The following KCNH7 variants were observed in gnomAD, a reference collection of about 807,000 sequenced individuals.
KCNH7 encodes the protein potassium voltage-gated channel subfamily H member 7.
In KCNH7, 49 loss-of-function variants were observed where a neutral mutation model predicts 120.8. The observed-to-expected ratio is 0.41, with a 90% confidence interval of 0.32 to 0.51. KCNH7 has a LOEUF of 0.51. KCNH7 is among the 20% of genes least tolerant of loss of function. The pLI, the probability that KCNH7 is intolerant of heterozygous loss-of-function variation, is 0.38. For missense variants in KCNH7, 1,097 were observed against 1,446.6 expected (o/e 0.76, Z 3.92); for synonymous variants, 547 against 516.1 (o/e 1.06, Z -0.81).
At chr2:162,707,801 G>C (rs1206819284) in intron 2 of KCNH7, among the ~76,000 whole-genome samples, 1 of 152,102 alleles carries the variant, frequency 6.6e-6, no homozygotes, top group African/African-American at 2.4e-5. Context: ...CATTTGATCA[G>C]TTCTGGCCAG....
chr2:162,500,341 CAT>C (rs1224213870), intron 6 of KCNH7, among the ~76,000 whole-genome samples: 1 of 119,368 alleles, frequency 8.4e-6, no homozygotes, highest in Admixed American at 1.0e-4. Flanking sequence ...ATACACATAA[CAT>C]GTAATATATA....
chr2:162,769,511 C>A (rs749344385), intron 2 of KCNH7, among the ~76,000 whole-genome samples: 8 of 152,004 alleles, frequency 5.3e-5, no homozygotes, highest in East Asian at 1.9e-4. Context: ...CTATTGCAAC[C>A]GGCTTATAAC....
chr2:162,805,055 C>G (rs539369704), intron 2 of KCNH7, among the ~76,000 whole-genome samples: 12 of 151,808 alleles, frequency 7.9e-5, no homozygotes, highest in African/African-American at 2.2e-4. Flanking sequence ...AAACTGGATC[C>G]CTATCTCTCA....
chr2:162,484,959 A>G (rs1375017788), intron 6 of KCNH7, among the ~76,000 whole-genome samples: 1 of 152,098 alleles, frequency 6.6e-6, no homozygotes, highest in African/African-American at 2.4e-5. Flanking sequence ...GAGCGAATAA[A>G]TTTTTTTAAA....
At position 162,384,850 on chromosome 2, in the gene KCNH7, A is replaced by T. The variant is rs749520046; in HGVS notation, c.2800T>A (p.Ser934Thr). ...KRHFEEKKSR[S>T]SSFISSIDDE... ...TCAATGGAGGAGATGAAAGATGAGG[A>T]TCTGCTTTTTTTCTCTTCAAAGTGT... is the stretch of plus-strand genomic sequence containing the variant. Residue 934 changes from serine (S) to threonine (T), a missense_variant, in exon 13 of 16, where the codon TCC (serine) becomes ACC (threonine). By Grantham distance (58) the Ser-to-Thr change is moderately conservative. Around this residue, in one of 8 missense-constraint regions of KCNH7, gnomAD observed 406 missense variants for 410.5 expected, o/e 0.99. Coordinates refer to ENST00000332142, the MANE Select transcript of KCNH7 (RefSeq NM_033272.4). 6.2e-7 allele frequency: 1 copy of T among 1,612,730 alleles called. No individual in the cohort carries two copies. Among genetic ancestry groups the T allele is most frequent in the South Asian group, 1.1e-5 (1 of 91,058 alleles).
intron 2 of KCNH7, among the ~76,000 whole-genome samples, chr2:162,745,416 G>A (rs1352163186): frequency 6.6e-6 from 1 of 151,892 alleles, no homozygotes; most frequent in African/African-American, 2.4e-5. Flanking sequence ...GTTATTTAGA[G>A]CAAATAAATG....
chr2:162,601,984 C>T (rs1220047195), intron 2 of KCNH7, among the ~76,000 whole-genome samples: 1 of 152,068 alleles, frequency 6.6e-6, no homozygotes, highest in Non-Finnish European at 1.5e-5. Flanking sequence ...CTATAAGTCT[C>T]ACTGGGAGAG....
intron 2 of KCNH7, among the ~76,000 whole-genome samples, chr2:162,628,602 T>C (rs898002898): frequency 6.6e-6 from 1 of 152,070 alleles, no homozygotes; most frequent in African/African-American, 2.4e-5. Flanking sequence ...CCATTTTCTG[T>C]CCTTCAATAG....
At position 162,482,122 on chromosome 2, in the gene KCNH7, G is replaced by A. The variant is rs539152998; in HGVS notation, c.1128+22321C>T. On this transcript the variant is annotated intron_variant, in intron 6 of 15. Coordinates refer to ENST00000332142, the MANE Select transcript of KCNH7 (RefSeq NM_033272.4). ...TTAGTTGTGTAAAAATAGACTAAGTGCTCTTTGAGTTTAAGGATGGGATAG... is the reference window on the plus strand; with the variant it reads ...TTAGTTGTGTAAAAATAGACTAAGTACTCTTTGAGTTTAAGGATGGGATAG... 2.0e-4 allele frequency among the ~76,000 whole-genome samples: 31 copies of A among 152,260 alleles called. 1 individual carries two copies. The South Asian group carries it at 6.2e-3, about 31-fold the overall frequency.
At chr2:162,673,901 C>T (rs891000145) in intron 2 of KCNH7, among the ~76,000 whole-genome samples, 1 of 151,908 alleles carries the variant, frequency 6.6e-6, no homozygotes, top group Non-Finnish European at 1.5e-5. Context: ...TTCCTTAATG[C>T]TATCTGCCAA....
intron 2 of KCNH7, among the ~76,000 whole-genome samples, chr2:162,683,029 G>A (rs1685767801): frequency 1.3e-5 from 2 of 151,958 alleles, no homozygotes; most frequent in Non-Finnish European, 2.9e-5. Flanking sequence ...AATAGGTAGA[G>A]AAGATGATAT....
At chr2:162,651,392 G>A (rs1369483204) in intron 2 of KCNH7, among the ~76,000 whole-genome samples, 1 of 151,870 alleles carries the variant, frequency 6.6e-6, no homozygotes, top group Non-Finnish European at 1.5e-5. Context: ...AGGCCTCAGT[G>A]TCTGTTGTTC....
In KCNH7 at chr2:162,502,320, G is replaced by A. The variant is rs995583354; in HGVS notation, c.1128+2123C>T. On this transcript the variant is annotated intron_variant, in intron 6 of 15. Coordinates refer to ENST00000332142, the MANE Select transcript of KCNH7 (RefSeq NM_033272.4). ...CTGCAGAGATAATGAAGAGAGTTGG[G>A]GGATCATAGAAGAATATTAATAAAC... is the stretch of plus-strand genomic sequence containing the variant. The A allele has an allele frequency of 2.6e-5, 4 of 152,110 alleles. No individual in the cohort carries two copies. The South Asian group carries it at 8.3e-4, about 32-fold the overall frequency. The allele number at this position is 152,110 out of a possible 1,614,324, so 9.4% of individuals were successfully genotyped here.
In KCNH7 at chr2:162,819,612, G is replaced by A. The variant is rs1394720881; in HGVS notation, c.307+16925C>T. Among the ~76,000 whole-genome samples the A allele has an allele frequency of 3.3e-5, 5 of 152,282 alleles. No individual in the cohort carries two copies. The East Asian group carries it at 9.6e-4, about 29-fold the overall frequency. ...CTTCCTGTAATTTAGGAAGAACCAT[G>A]CTAATCTGGTTGCCACTTGAAAGAC... On this transcript the variant is annotated intron_variant, in intron 2 of 15. Coordinates refer to ENST00000332142, the MANE Select transcript of KCNH7 (RefSeq NM_033272.4).
At chr2:162,710,708 G>C (rs192898180) in intron 2 of KCNH7, among the ~76,000 whole-genome samples, 1 of 152,132 alleles carries the variant, frequency 6.6e-6, no homozygotes, top group African/African-American at 2.4e-5. Context: ...GGATTCCAGG[G>C]AACATTGGCC....
At position 162,655,748 on chromosome 2, in the gene KCNH7, G is replaced by T. The variant is rs185753834; in HGVS notation, c.308-118668C>A. Among the ~76,000 whole-genome samples the T allele has an allele frequency of 6.4e-3, 978 of 152,216 alleles. 14 individuals carry two copies. Among genetic ancestry groups the T allele is most frequent in the African/African-American group, 0.022 (922 of 41,540 alleles). On this transcript the variant is annotated intron_variant, in intron 2 of 15. Coordinates refer to ENST00000332142, the MANE Select transcript of KCNH7 (RefSeq NM_033272.4). ...GCGGAGGTTGCAGTGAGCCGAGATG[G>T]TGCCACTGCACTCCAGCCTGGTGAT...
At chr2:162,779,719 C>T (rs1683404045) in intron 2 of KCNH7, among the ~76,000 whole-genome samples, 3 of 152,110 alleles carry the variant, frequency 2.0e-5, no homozygotes. Context: ...GATAACGTCA[C>T]CTGGTGGTAG....
intron 3 of KCNH7, among the ~76,000 whole-genome samples, chr2:162,535,869 T>C (rs1217913143): frequency 6.6e-6 from 1 of 151,774 alleles, no homozygotes. Flanking sequence ...CAAGCACATA[T>C]GGAAGTTTAG....
At chr2:162,408,667 A>C (rs1687300877) in intron 9 of KCNH7, among the ~76,000 whole-genome samples, 1 of 151,974 alleles carries the variant, frequency 6.6e-6, no homozygotes, top group Admixed American at 6.6e-5. Context: ...TATAAAAATA[A>C]AGATGAATGT....
Sources: gnomAD v4.1 joint callset for allele counts (sites outside exome capture counted in the v4.1 genomes callset) on GRCh38, gnomAD v4.1.1 for gene constraint, gnomAD v4.1.1 regional missense constraint, MANE v1.5 for transcripts, NCBI Gene and HGNC (gene_info 2026-07-23, HGNC 2026-07-21) for gene names.